The following PRKCE variants were observed in gnomAD, a reference collection of about 807,000 sequenced individuals.
PRKCE encodes the protein protein kinase C epsilon type.
A neutral mutation model predicts 85.4 loss-of-function variants in PRKCE; 16 were observed. The ratio of observed to expected loss-of-function variants is 0.19; its 90% CI spans 0.13 to 0.28. PRKCE has a LOEUF of 0.28. PRKCE is among the 10% of genes least tolerant of loss of function. The pLI is 1.00. For synonymous variants in PRKCE, 388 were observed against 371.5 expected, an observed-to-expected ratio of 1.04 and a Z score of -0.51; for missense variants, 573 against 975.2, an observed-to-expected ratio of 0.59 and a Z score of 5.49.
intron 2 of PRKCE, among the ~76,000 whole-genome samples, chr2:45,848,538 T>A (rs6706095): frequency 1.3e-5 from 2 of 152,008 alleles, no homozygotes; most frequent in Non-Finnish European, 2.9e-5. Flanking sequence ...CTCGAACTCC[T>A]GACTTCATGT....
chr2:46,113,851 C>G (rs938052184), intron 11 of PRKCE, among the ~76,000 whole-genome samples: 1 of 152,198 alleles, frequency 6.6e-6, no homozygotes, highest in African/African-American at 2.4e-5. Flanking sequence ...TGAACGAGGA[C>G]CAGCCACTTA....
chr2:46,039,506 C>T (rs982621579), intron 10 of PRKCE, among the ~76,000 whole-genome samples: 50 of 151,686 alleles, frequency 3.3e-4, no homozygotes, highest in African/African-American at 1.1e-3. Context: ...TAGCTGTATT[C>T]GTGGGGTTTT....
rs397984467 is a variant in PRKCE, at chr2:46,023,089, C to CAA, written c.1437+12592_1437+12593dup. The stretch of plus-strand genomic sequence containing the variant: ...TGGGCGACAGAGCGAGACTCCGTCT[C>CAA]AAAAAAAAAAAAAAAAAAAAATCAT... On this transcript the variant is annotated intron_variant, in intron 10 of 14. Transcript: ENST00000306156. 6.4e-4 allele frequency among the ~76,000 whole-genome samples: 46 copies of CAA among 71,502 alleles called. 1 individual carries two copies. In the East Asian group the frequency reaches 7.1e-3, roughly 11 times the overall value. The allele number at this position is 71,502 out of a possible 152,430, so 46.9% of individuals were successfully genotyped here.
chr2:46,012,783 G>A (rs1236964921), intron 10 of PRKCE, among the ~76,000 whole-genome samples: 2 of 152,198 alleles, frequency 1.3e-5, no homozygotes, highest in African/African-American at 4.8e-5. Context: ...TCTCCTTTGT[G>A]CGTTGTAGAA....
At chr2:45,732,146 C>T (rs1480763196) in intron 1 of PRKCE, among the ~76,000 whole-genome samples, 1 of 151,732 alleles carries the variant, frequency 6.6e-6, no homozygotes, top group Non-Finnish European at 1.5e-5. Context: ...TTTATGAGAG[C>T]TTTTTTTTGG....
At chr2:45,742,244 C>T (rs1429031310) in intron 1 of PRKCE, among the ~76,000 whole-genome samples, 1 of 151,854 alleles carries the variant, frequency 6.6e-6, no homozygotes, top group South Asian at 2.1e-4. Context: ...AAGGAACTTA[C>T]ATAACTCAAT....
At chr2:45,790,712 A>G (rs1686967478) in intron 1 of PRKCE, among the ~76,000 whole-genome samples, 1 of 152,176 alleles carries the variant, frequency 6.6e-6, no homozygotes. Context: ...TCTTCTTCAG[A>G]TTTTGAAGGT....
intron 8 of PRKCE, 107 bp from the exon 9 acceptor site, chr2:46,007,355 C>G: frequency 9.0e-7 from 1 of 1,111,008 alleles, no homozygotes; most frequent in Non-Finnish European, 1.3e-6. Flanking sequence ...TGTGAAGAAC[C>G]AGAAAGAGGA....
At chr2:45,725,867 A>G (rs1254790537) in intron 1 of PRKCE, among the ~76,000 whole-genome samples, 1 of 152,018 alleles carries the variant, frequency 6.6e-6, no homozygotes, top group Non-Finnish European at 1.5e-5. Flanking sequence ...CAACAAAAAA[A>G]CCCACATTCA....
intron 10 of PRKCE, among the ~76,000 whole-genome samples, chr2:46,066,498 T>A (rs1667637326): frequency 6.6e-6 from 1 of 152,230 alleles, no homozygotes. Flanking sequence ...CAATTAGGAA[T>A]CCTAGACTTA....
At chr2:45,704,898 T>G (rs1678979982) in intron 1 of PRKCE, among the ~76,000 whole-genome samples, 2 of 152,226 alleles carry the variant, frequency 1.3e-5, no homozygotes, top group Admixed American at 6.5e-5. Context: ...AGTCTTGACC[T>G]TGCCAACTGC....
chr2:45,876,633 C>T (rs183842938), intron 2 of PRKCE, among the ~76,000 whole-genome samples: 27 of 152,358 alleles, frequency 1.8e-4, no homozygotes, highest in Admixed American at 9.1e-4. Context: ...CCCCTCACCA[C>T]ACTGATCTCC....
intron 2 of PRKCE, among the ~76,000 whole-genome samples, chr2:45,949,426 G>GTTTTTTTTTTTTTTT (rs34381919): frequency 8.8e-6 from 1 of 114,052 alleles, no homozygotes; most frequent in Non-Finnish European, 1.8e-5. Flanking sequence ...TTTGATTGTT[G>GTTTTTTTTTTTTTTT]TTTTTTTTTT....
intron 1 of PRKCE, among the ~76,000 whole-genome samples, chr2:45,743,774 C>A (rs1254337663): frequency 1.1e-4 from 17 of 152,188 alleles, no homozygotes; most frequent in Admixed American, 1.1e-3. Context: ...CCAACACATC[C>A]ACATTAGCAG....
intron 1 of PRKCE, among the ~76,000 whole-genome samples, chr2:45,828,192 G>A (rs1469311880): frequency 6.6e-6 from 1 of 152,212 alleles, no homozygotes; most frequent in Non-Finnish European, 1.5e-5. Context: ...CCTCACAAAA[G>A]TGGAGGAACA....
At chr2:45,818,186 T>C (rs1689238424) in intron 1 of PRKCE, among the ~76,000 whole-genome samples, 1 of 152,234 alleles carries the variant, frequency 6.6e-6, no homozygotes, top group African/African-American at 2.4e-5. Flanking sequence ...AGTTCTGTTT[T>C]TGTTTTTACT....
chr2:46,132,366 G>A (rs955268293), intron 11 of PRKCE, among the ~76,000 whole-genome samples: 1 of 152,112 alleles, frequency 6.6e-6, no homozygotes, highest in African/African-American at 2.4e-5. Context: ...GTCCAGTGAG[G>A]TGCTTCCAAG....
At chr2:45,803,876 T>C (rs1052903278) in intron 1 of PRKCE, among the ~76,000 whole-genome samples, 1 of 152,220 alleles carries the variant, frequency 6.6e-6, no homozygotes, top group Admixed American at 6.5e-5. Context: ...CATGAAATAG[T>C]CTGTCTAAAG....
intron 6 of PRKCE, among the ~76,000 whole-genome samples, chr2:45,985,639 A>G (rs61756869): frequency 1.3e-5 from 2 of 152,286 alleles, no homozygotes; most frequent in Non-Finnish European, 2.9e-5. Context: ...AGAATTGGAA[A>G]TAAGATCAGG....
Sources: allele counts gnomAD v4.1 joint callset (sites outside exome capture counted in the v4.1 genomes callset), GRCh38; gene constraint gnomAD v4.1.1; transcripts MANE v1.5; gene names NCBI Gene and HGNC (gene_info 2026-07-23, HGNC 2026-07-21).